FSTL5: variants seen among roughly 807,000 people sequenced by gnomAD.
FSTL5 encodes follistatin-related protein 5.
A neutral mutation model predicts 89.1 loss-of-function variants in FSTL5; 62 were observed. The ratio of observed to expected loss-of-function variants is 0.70; its 90% confidence interval spans 0.57 to 0.86. The LOEUF (loss-of-function observed/expected upper bound fraction) is 0.86, where lower values mean the gene tolerates loss of function less well. Ranked by LOEUF, FSTL5 falls within the 40% of genes least tolerant of loss-of-function variation. The pLI, the probability that FSTL5 is intolerant of heterozygous loss-of-function variation, is 0.00. For missense variants in FSTL5, 1,057 were observed against 1,001.6 expected (o/e 1.06, Z -0.75); for synonymous variants, 383 against 346.2 (o/e 1.11, Z -1.18).
intron 6 of FSTL5, among the ~76,000 whole-genome samples, chr4:161,719,234 C>T (rs565373117): frequency 1.3e-5 from 2 of 152,186 alleles, no homozygotes; most frequent in South Asian, 4.1e-4. Context: ...TCTTGGCAGC[C>T]TTGTTGAAGT....
Position 162,127,317 on chromosome 4 carries a change from G to A in FSTL5, c.-16-15905C>T, listed in dbSNP as rs118159001. 3.9e-5 allele frequency among the ~76,000 whole-genome samples: 6 copies of A among 152,058 alleles called. No homozygotes were observed. The East Asian group carries it at 1.2e-3, about 29-fold the overall frequency. ...ATTACTGTTTTATAGTTTATGCTTTGTAATAGCCTCAAAGTCTAAGTAAGG... is the reference window on the plus strand; with the variant it reads ...ATTACTGTTTTATAGTTTATGCTTTATAATAGCCTCAAAGTCTAAGTAAGG... On this transcript the variant is annotated intron_variant, in intron 1 of 15. Transcript: ENST00000306100.
chr4:161,572,430 G>A (rs1424042919), intron 8 of FSTL5, among the ~76,000 whole-genome samples: 1 of 151,210 alleles, frequency 6.6e-6, no homozygotes, highest in East Asian at 2.0e-4. Context: ...GCTGCCACAA[G>A]GCCTTCCTTA....
rs990173915 is a variant in FSTL5, at chr4:161,829,048, T to C, written c.410-52974A>G. 1.1e-4 allele frequency among the ~76,000 whole-genome samples: 17 copies of C among 151,130 alleles called. 1 individual carries two copies. The highest frequency in any genetic ancestry group is 5.9e-5 in the Non-Finnish European group (4 of 67,752). Reference sequence around the variant, plus strand: ...AAATTTTAAGACTGGGAGCTTTATATGTGTCAATGGTGGCGAATTTATGAG... The same window carrying C: ...AAATTTTAAGACTGGGAGCTTTATACGTGTCAATGGTGGCGAATTTATGAG... On this transcript the variant is annotated intron_variant, in intron 4 of 15. Transcript: ENST00000306100.
chr4:161,572,616 A>G (rs1166921521), intron 8 of FSTL5, among the ~76,000 whole-genome samples: 1 of 152,172 alleles, frequency 6.6e-6, no homozygotes, highest in Admixed American at 6.5e-5. Flanking sequence ...TAGATACTAT[A>G]GCAATATAAA....
chr4:161,522,226 A>T (rs1731060223), intron 10 of FSTL5, among the ~76,000 whole-genome samples: 1 of 152,188 alleles, frequency 6.6e-6, no homozygotes, highest in South Asian at 2.1e-4. Context: ...GGGGTCAAAG[A>T]TGCTCAGCAG....
chr4:162,142,572 A>G (rs986483018), intron 1 of FSTL5, among the ~76,000 whole-genome samples: 2 of 152,150 alleles, frequency 1.3e-5, no homozygotes, highest in Admixed American at 6.5e-5. Flanking sequence ...GTTTAAAGAC[A>G]GTGACAATAG....
At chr4:161,949,393 A>G (rs962740003) in intron 3 of FSTL5, among the ~76,000 whole-genome samples, 2 of 152,102 alleles carry the variant, frequency 1.3e-5, no homozygotes, top group African/African-American at 4.8e-5. Flanking sequence ...CTTTTAAAAA[A>G]TCTTCTCTTT....
intron 3 of FSTL5, among the ~76,000 whole-genome samples, chr4:161,979,264 A>C (rs1353553853): frequency 6.6e-6 from 1 of 152,168 alleles, no homozygotes; most frequent in Non-Finnish European, 1.5e-5. Flanking sequence ...GAAGAATCAG[A>C]AACATGTGGC....
intron 3 of FSTL5, among the ~76,000 whole-genome samples, chr4:161,969,946 G>T (rs1339538430): frequency 6.6e-6 from 1 of 152,016 alleles, no homozygotes; most frequent in African/African-American, 2.4e-5. Flanking sequence ...ACTGTGTGTG[G>T]GATTCGATGC....
chr4:161,539,538 G>A lies in FSTL5; in HGVS notation c.1178-1238C>T, dbSNP rs114489722. Among the ~76,000 whole-genome samples, 1,233 of 152,094 alleles carry A rather than the reference G, an allele frequency of 8.1e-3. 20 individuals are homozygous for A. Among genetic ancestry groups the A allele is most frequent in the African/African-American group, 0.029 (1,192 of 41,488 alleles). ...CTGAGAATCACTACTCCAAAAAAGG[G>A]GTTGGCAGGTTTTCATTTTGTTGCA... is the stretch of plus-strand genomic sequence containing the variant. On this transcript the variant is annotated intron_variant, in intron 9 of 15. Coordinates refer to ENST00000306100, the MANE Select transcript of FSTL5 (RefSeq NM_020116.5).
chr4:162,045,677 G>A (rs1043715798), intron 2 of FSTL5, among the ~76,000 whole-genome samples: 7 of 151,910 alleles, frequency 4.6e-5, no homozygotes, highest in Admixed American at 1.3e-4. Flanking sequence ...GCTTAACACC[G>A]GGCTACCACG....
intron 8 of FSTL5, among the ~76,000 whole-genome samples, chr4:161,557,331 C>T (rs1436000153): frequency 1.3e-5 from 2 of 151,342 alleles, no homozygotes; most frequent in Non-Finnish European, 1.5e-5. Flanking sequence ...ATTAAGTATG[C>T]TAGAATTTTT....
In FSTL5 at chr4:161,551,704, T is replaced by C. The variant is rs570712446; in HGVS notation, c.1016-9011A>G. On this transcript the variant is annotated intron_variant, in intron 8 of 15. Transcript: ENST00000306100. ...CCGCATATCTACAACCGTCTGATCT[T>C]TGACAAACCTGAGAAAAACAAGAAA... Among the ~76,000 whole-genome samples the C allele has an allele frequency of 3.9e-5, 6 of 152,100 alleles. No individual in the cohort carries two copies. The South Asian group carries it at 1.0e-3, about 26-fold the overall frequency.
chr4:161,676,012 G>A (rs746473476), intron 6 of FSTL5, among the ~76,000 whole-genome samples: 1 of 152,048 alleles, frequency 6.6e-6, no homozygotes, highest in Non-Finnish European at 1.5e-5. Flanking sequence ...AGTGCAAGCT[G>A]GTTTCTGGTA....
rs368445412 is a variant in FSTL5, at chr4:161,802,953, C to A, written c.410-26879G>T. On this transcript the variant is annotated intron_variant, in intron 4 of 15. Transcript: ENST00000306100. Reference sequence around the variant, plus strand: ...CTCTAATTATTATGACAAGAAACTACAGAAATAATTAAAATATAAAACACA... The same window carrying A: ...CTCTAATTATTATGACAAGAAACTAAAGAAATAATTAAAATATAAAACACA... Among the ~76,000 whole-genome samples, 7 of 151,938 alleles carry A rather than the reference C, an allele frequency of 4.6e-5. No individual in the cohort carries two copies. In the South Asian group the frequency reaches 8.3e-4, roughly 18 times the overall value.
At chr4:161,419,421 C>A (rs917151714) in intron 15 of FSTL5, among the ~76,000 whole-genome samples, 1 of 151,790 alleles carries the variant, frequency 6.6e-6, no homozygotes. Flanking sequence ...AAAGCACCAG[C>A]CAATAAAGAA....
intron 15 of FSTL5, among the ~76,000 whole-genome samples, chr4:161,425,190 G>A (rs944488683): frequency 6.6e-6 from 1 of 152,098 alleles, no homozygotes; most frequent in Non-Finnish European, 1.5e-5. Context: ...TCAATTTTAC[G>A]AATTTTTTTA....
chr4:162,086,296 G>A (rs937485711), intron 2 of FSTL5, among the ~76,000 whole-genome samples: 4 of 151,466 alleles, frequency 2.6e-5, no homozygotes, highest in Non-Finnish European at 5.9e-5. Flanking sequence ...TCTCTCTCAT[G>A]CTCATTCCCC....
rs183028458 is a variant in FSTL5, at chr4:161,552,042, A to T, written c.1016-9349T>A. On this transcript the variant is annotated intron_variant, in intron 8 of 15. Transcript: ENST00000306100. ...AGCAAAAGAAATTACCATCAGAGTG[A>T]ACAGGCAACCTACAAAATGGGAGAA... 2.9e-3 allele frequency among the ~76,000 whole-genome samples: 440 copies of T among 152,190 alleles called. 1 individual carries two copies. Among genetic ancestry groups the T allele is most frequent in the African/African-American group, 0.01 (429 of 41,562 alleles).
Sources: gnomAD v4.1 joint callset for allele counts (sites outside exome capture counted in the v4.1 genomes callset) on GRCh38, gnomAD v4.1.1 for gene constraint, MANE v1.5 for transcripts, NCBI Gene and HGNC (gene_info 2026-07-23, HGNC 2026-07-21) for gene names.